The following MAMDC2 variants were observed in gnomAD, a reference collection of about 807,000 sequenced individuals.
MAMDC2 encodes MAM domain-containing protein 2.
MAMDC2 carries 57 observed loss-of-function variants against 89.8 expected under a neutral mutation model. The observed-to-expected ratio is 0.63, with a 90% CI of 0.51 to 0.79. The LOEUF (loss-of-function observed/expected upper bound fraction) is 0.79. MAMDC2 is among the 30% of genes least tolerant of loss of function. The probability of loss-of-function intolerance (pLI) is 0.00; values close to 1 mark genes in which losing one functional copy is unlikely to be tolerated. For missense variants in MAMDC2, 800 were observed against 820.6 expected, an observed-to-expected ratio of 0.97 and a Z score of 0.31; for synonymous variants, 313 against 293.4, an observed-to-expected ratio of 1.07 and a Z score of -0.68.
chr9:70,072,077 G>A (rs1827422580), intron 2 of MAMDC2, among the ~76,000 whole-genome samples: 1 of 152,150 alleles, frequency 6.6e-6, no homozygotes, highest in African/African-American at 2.4e-5. Flanking sequence ...CAATTAAGTA[G>A]ATGTTATCAA....
At chr9:70,118,394 T>C (rs544736558) in intron 5 of MAMDC2, among the ~76,000 whole-genome samples, 5 of 150,308 alleles carry the variant, frequency 3.3e-5, no homozygotes, top group South Asian at 2.1e-4. Context: ...CTATAGAGGA[T>C]AGGGCCAAAA....
At chr9:70,075,051 A>C (rs1433983583) in intron 2 of MAMDC2, among the ~76,000 whole-genome samples, 1 of 152,214 alleles carries the variant, frequency 6.6e-6, no homozygotes, top group Non-Finnish European at 1.5e-5. Context: ...TTTCTACCAC[A>C]TAAGAAGAAA....
Position 70,143,729 on chromosome 9 carries a change from G to A in MAMDC2, c.1314G>A (p.Val438=). 1 of 1,614,156 alleles carries A rather than the reference G, an allele frequency of 6.2e-7. No individual in the cohort carries two copies. Among genetic ancestry groups the A allele is most frequent in the Non-Finnish European group, 8.5e-7 (1 of 1,180,000 alleles). ...TTTACATCTTTGAAGAGAACCATGT[G>A]GTTCAAGAGAAGATCTGGTCTGTGT... ...LAVYIFEENH[V]VQEKIWSVLE... The change falls in exon 9 of 14, where the codon GTG becomes GTA. Residue 438 remains valine (V), a synonymous_variant. Transcript: ENST00000377182.
chr9:70,203,789 G>A (rs1341397961), intron 11 of MAMDC2, among the ~76,000 whole-genome samples: 6 of 125,840 alleles, frequency 4.8e-5, no homozygotes, highest in South Asian at 5.9e-4. Context: ...TTCCCTTCTC[G>A]CTTCATTTCA....
rs761498106 is a variant in MAMDC2, at chr9:70,226,049, G to A, written c.*17G>A. The A allele has an allele frequency of 6.9e-7, 1 of 1,447,626 alleles. No individual in the cohort carries two copies. Among genetic ancestry groups the A allele is most frequent in the East Asian group, 2.3e-5 (1 of 43,276 alleles). The allele number at this position is 1,447,626 out of a possible 1,614,324, so 89.7% of individuals were successfully genotyped here. On this transcript the variant is annotated 3_prime_UTR_variant, in exon 14 of 14. Coordinates refer to ENST00000377182, the MANE Select transcript of MAMDC2 (RefSeq NM_153267.5). ...GAGTATTAAGAAATGATCTGCATTGGATTTACTAGACGAAAACCATACCTC... is the reference window on the plus strand; with the variant it reads ...GAGTATTAAGAAATGATCTGCATTGAATTTACTAGACGAAAACCATACCTC...
intron 2 of MAMDC2, chr9:70,081,378 T>C (rs975350576): frequency 2.0e-5 from 3 of 152,182 alleles, no homozygotes; most frequent in Non-Finnish European, 2.9e-5. Flanking sequence ...GCTTTGAATG[T>C]GTCATTGTAA....
At chr9:70,172,497 C>T (rs2032378551) in intron 11 of MAMDC2, 1 of 152,704 alleles carries the variant, frequency 6.5e-6, no homozygotes, top group South Asian at 2.1e-4. Flanking sequence ...GCAATGTTCT[C>T]ACTGGCTAAC....
intron 2 of MAMDC2, among the ~76,000 whole-genome samples, chr9:70,071,238 GA>G (rs1827400941): frequency 6.6e-6 from 1 of 152,186 alleles, no homozygotes; most frequent in African/African-American, 2.4e-5. Flanking sequence ...GAAAACTCGA[GA>G]GTAGTACTTG....
In MAMDC2 at chr9:70,043,961, T is replaced by G; in HGVS notation, c.-237T>G. ...GCTGGGCCGCGGTCTGACCTGAGGC[T>G]GCTGCTCAGCGCCGGGGCGCTGGCG... On this transcript the variant is annotated 5_prime_UTR_variant, in exon 1 of 14. Coordinates refer to ENST00000377182, the MANE Select transcript of MAMDC2 (RefSeq NM_153267.5). 3.3e-6 allele frequency: 2 copies of G among 599,654 alleles called. No homozygotes were observed. Among genetic ancestry groups the G allele is most frequent in the South Asian group, 4.0e-5 (2 of 50,254 alleles). The allele number at this position is 599,654 out of a possible 1,614,324, so 37.1% of individuals were successfully genotyped here.
At chr9:70,126,474 C>T (rs1166042647) in intron 6 of MAMDC2, 59 bp downstream of exon 6, 24 of 1,548,414 alleles carry the variant, frequency 1.5e-5, no homozygotes, top group Admixed American at 5.2e-5. Context: ...GCCACCCACA[C>T]ACAGGGCTGG....
At chr9:70,169,508 T>A (rs755940196) in intron 10 of MAMDC2, 12 of 152,246 alleles carry the variant, frequency 7.9e-5, no homozygotes, top group Non-Finnish European at 1.2e-4. Flanking sequence ...CTTAGTCTCT[T>A]AATTTGCCAG....
chr9:70,123,307 T>A (rs1263059073), intron 5 of MAMDC2, among the ~76,000 whole-genome samples: 1 of 152,182 alleles, frequency 6.6e-6, no homozygotes, highest in African/African-American at 2.4e-5. Flanking sequence ...CATTCTCCAC[T>A]ACTAGAATGT....
chr9:70,054,248 C>A (rs1285410126), intron 2 of MAMDC2, among the ~76,000 whole-genome samples: 2 of 151,974 alleles, frequency 1.3e-5, no homozygotes, highest in East Asian at 1.9e-4. Context: ...GATGATATCA[C>A]CCAAGGAGAA....
chr9:70,183,421 T>C (rs1423825236), intron 11 of MAMDC2, among the ~76,000 whole-genome samples: 2 of 152,222 alleles, frequency 1.3e-5, no homozygotes, highest in Non-Finnish European at 2.9e-5. Context: ...TTCTGTCTCA[T>C]TGATCTAATA....
Position 70,208,058 on chromosome 9 carries a change from G to A in MAMDC2, c.1652-10279G>A, listed in dbSNP as rs577213036. On this transcript the variant is annotated intron_variant, in intron 11 of 13. Coordinates refer to ENST00000377182, the MANE Select transcript of MAMDC2 (RefSeq NM_153267.5). ...AGCCTTGTAGTATAGTTTGCAGTCC[G>A]GTAGCGTAATGCTTCCAGCTTTGTT... Among the ~76,000 whole-genome samples, 59 of 152,276 alleles carry A rather than the reference G, an allele frequency of 3.9e-4. 1 individual carries two copies. In the Middle Eastern group the frequency reaches 0.01, roughly 26 times the overall value.
At chr9:70,140,055 A>C in intron 7 of MAMDC2, 90 bp from the exon 8 acceptor site, 2 of 1,350,082 alleles carry the variant, frequency 1.5e-6, no homozygotes, top group East Asian at 2.7e-5. Context: ...CCCCTGGTAC[A>C]AATGTGTATA....
intron 7 of MAMDC2, among the ~76,000 whole-genome samples, chr9:70,137,630 A>G (rs2031057092): frequency 6.6e-6 from 1 of 152,144 alleles, no homozygotes; most frequent in South Asian, 2.1e-4. Context: ...ACAAATTGAG[A>G]ATATAGTAAG....
chr9:70,066,230 C>T (rs1481280106), intron 2 of MAMDC2, among the ~76,000 whole-genome samples: 1 of 152,058 alleles, frequency 6.6e-6, no homozygotes, highest in Non-Finnish European at 1.5e-5. Flanking sequence ...TCCAAGTGCT[C>T]CAGGCAGAGG....
At chr9:70,170,672 C>T in intron 11 of MAMDC2, 41 bp downstream of exon 11, 1 of 1,516,306 alleles carries the variant, frequency 6.6e-7, no homozygotes, top group East Asian at 2.4e-5. Context: ...AGGAAAGCTT[C>T]TAAAATAGCA....
Sources: gnomAD v4.1 joint callset for allele counts (sites outside exome capture counted in the v4.1 genomes callset) on GRCh38, gnomAD v4.1.1 for gene constraint, MANE v1.5 for transcripts, NCBI Gene and HGNC (gene_info 2026-07-23, HGNC 2026-07-21) for gene names.